Variants in RP9 observed in about 807,000 individuals in gnomAD.
RP9 encodes RP9 pre-mRNA splicing factor.
RP9 carries 23 observed loss-of-function variants against 32.6 expected under a neutral mutation model. The observed-to-expected ratio is 0.71, with a 90% CI of 0.51 to 1.00. The LOEUF is 1.00. Among genes scored for constraint, RP9 ranks in the 50% least tolerant of loss-of-function variants. RP9 has a pLI of 0.00. For missense variants in RP9, 245 were observed against 285.3 expected (o/e 0.86, Z 1.02); for synonymous variants, 94 against 103.6 (o/e 0.91, Z 0.56).
intron 2 of RP9, chr7:33,100,210 C>A (rs1369683614): frequency 4.9e-6 from 2 of 408,864 alleles, no homozygotes; most frequent in African/African-American, 4.1e-5. Flanking sequence ...GAGGATGGAC[C>A]GAGGGGCTGA....
Position 33,094,799 on chromosome 7 carries a change from TA to T in RP9, c.*434del, listed in dbSNP as rs943314750. On this transcript the variant is annotated 3_prime_UTR_variant, in exon 6 of 6. Transcript: ENST00000297157. ...TATTCATAAATAAATACATTCCATT[TA>T]AAAAATAAATAATGAGCTTTTATTA... 1.7e-5 allele frequency: 3 copies of T among 178,492 alleles called. No individual in the cohort carries two copies. The highest frequency in any genetic ancestry group is 7.1e-5 in the African/African-American group (3 of 42,148). 11.1% of individuals were successfully genotyped at this position (178,492 alleles called of 1,614,324 possible).
At chr7:33,096,395 G>A in intron 5 of RP9, 98 bp downstream of exon 5, 1 of 857,976 alleles carries the variant, frequency 1.2e-6, no homozygotes. Flanking sequence ...GAAGTACCAT[G>A]TTTACTGCAC....
rs1583997750 is a variant in RP9, at chr7:33,095,144, C to T, written c.*90G>A. ...TGACCCACATATACTCCTCTCTCGG[C>T]GTCTCTATCCTGCTGCTTTCTCTGA... On this transcript the variant is annotated 3_prime_UTR_variant, in exon 6 of 6. Coordinates refer to ENST00000297157, the MANE Select transcript of RP9 (RefSeq NM_203288.2). 25 of 1,511,748 alleles carry T rather than the reference C, an allele frequency of 1.7e-5. No individual in the cohort carries two copies. The highest frequency in any genetic ancestry group is 6.8e-5 in the East Asian group (3 of 44,204). The allele number at this position is 1,511,748 out of a possible 1,614,324, so 93.6% of individuals were successfully genotyped here. A position where few individuals can be genotyped will look rare whatever the true frequency, so the allele number is the denominator to read the frequency against.
intron 1 of RP9, among the ~76,000 whole-genome samples, chr7:33,106,043 T>C (rs1788493594): frequency 6.6e-6 from 1 of 152,138 alleles, no homozygotes; most frequent in South Asian, 2.1e-4. Context: ...GAAAATTAAG[T>C]AAGTGAAAAA....
chr7:33,101,841 A>T (rs775289274), intron 1 of RP9, among the ~76,000 whole-genome samples: 1 of 152,216 alleles, frequency 6.6e-6, no homozygotes, highest in Non-Finnish European at 1.5e-5. Context: ...AGCAAAAACA[A>T]TGGAAATCTG....
Position 33,109,362 on chromosome 7 carries a change from C to T in RP9, c.11G>A (p.Arg4Gln). The change falls in exon 1 of 6, where the codon CGG becomes CAG. Residue 4 changes from arginine to glutamine, a missense_variant. Arg to Gln is a conservative substitution (Grantham distance 43). Transcript: ENST00000297157. This position sits in a 1 kb window ranked among gnomAD's most constrained non-coding sequence, Gnocchi z 4.9. ...AGCCCCCACGTCCTCGCGCCCAGGC[C>T]GGGACGACATGTCAGCCCCCGCAGC... MSSRPGREDVGAAG... is the reference protein window; with the variant it reads MSSQPGREDVGAAG... The T allele has an allele frequency of 5.6e-6, 8 of 1,417,958 alleles. No individual in the cohort carries two copies. The highest frequency in any genetic ancestry group is 7.4e-6 in the Non-Finnish European group (8 of 1,087,174). 87.8% of individuals were successfully genotyped at this position (1,417,958 alleles called of 1,614,324 possible).
At chr7:33,106,280 C>G (rs1313925782) in intron 1 of RP9, among the ~76,000 whole-genome samples, 1 of 152,050 alleles carries the variant, frequency 6.6e-6, no homozygotes, top group Non-Finnish European at 1.5e-5. Context: ...CAGATCTTCC[C>G]ACTTCAGCCT....
At chr7:33,106,168 T>TTG (rs1788495514) in intron 1 of RP9, among the ~76,000 whole-genome samples, 2 of 152,228 alleles carry the variant, frequency 1.3e-5, no homozygotes, top group South Asian at 4.2e-4. Flanking sequence ...GCTGTTTTTT[T>TTG]TTTGTTTGTT....
chr7:33,100,659 T>C (rs1562620355), intron 1 of RP9, 98 bp from the exon 2 acceptor site: 1 of 964,472 alleles, frequency 1.0e-6, no homozygotes, highest in Non-Finnish European at 1.7e-6. Flanking sequence ...TAATCAGAGA[T>C]TTTAGCAACA....
In RP9 at chr7:33,109,368, G is replaced by T; in HGVS notation, c.5C>A (p.Ser2Ter). M[S>*]SRPGREDVGA... Reference sequence around the variant, plus strand: ...CACGTCCTCGCGCCCAGGCCGGGACGACATGTCAGCCCCCGCAGCGCCGCT... The same window carrying T: ...CACGTCCTCGCGCCCAGGCCGGGACTACATGTCAGCCCCCGCAGCGCCGCT... The change falls in exon 1 of 6, where the codon TCG becomes TAG. Residue 2 changes from serine (S) to a stop codon, truncating the protein, a stop_gained. Coordinates refer to ENST00000297157, the MANE Select transcript of RP9 (RefSeq NM_203288.2). LOFTEE classifies it high-confidence loss of function. This position sits in a 1 kb window ranked among gnomAD's most constrained non-coding sequence, Gnocchi z 4.9. The T allele has an allele frequency of 7.1e-7, 1 of 1,405,358 alleles. No individual in the cohort carries two copies. The highest frequency in any genetic ancestry group is 9.3e-7 in the Non-Finnish European group (1 of 1,079,854). 87.1% of individuals were successfully genotyped at this position (1,405,358 alleles called of 1,614,324 possible). A position where few individuals can be genotyped will look rare whatever the true frequency, so the allele number is the denominator to read the frequency against.
At position 33,109,280 on chromosome 7, in the gene RP9, C is replaced by G; in HGVS notation, c.93G>C (p.Glu31Asp). Residue 31 changes from glutamate to aspartate, a missense_variant, in exon 1 of 6, where the codon GAG becomes GAC. Physicochemically the swap from Glu to Asp is conservative, Grantham distance 45. Around this residue, in one of 2 missense-constraint regions of RP9, gnomAD observed 182 missense variants for 175.5 expected, o/e 1.04. Coordinates refer to ENST00000297157, the MANE Select transcript of RP9 (RefSeq NM_203288.2). This position sits in a 1 kb window ranked among gnomAD's most constrained non-coding sequence, Gnocchi z 4.9. ...PPEQELQRRR[E>D]QKRRRHDAQQ... ...GCGCGTCGTGTCGCCGCCGCTTCTG[C>G]TCCCGACGTCGCTGCAGCTCCTGCT... is the stretch of plus-strand genomic sequence containing the variant. 2 of 1,488,844 alleles carry G rather than the reference C, an allele frequency of 1.3e-6. No homozygotes were observed. Among genetic ancestry groups the G allele is most frequent in the Non-Finnish European group, 1.8e-6 (2 of 1,123,622 alleles). 92.2% of individuals were successfully genotyped at this position (1,488,844 alleles called of 1,614,324 possible).
At chr7:33,104,639 A>G (rs1353820608) in intron 1 of RP9, among the ~76,000 whole-genome samples, 1 of 152,188 alleles carries the variant, frequency 6.6e-6, no homozygotes, top group Non-Finnish European at 1.5e-5. Context: ...GCTAGAAGAT[A>G]GTGATGTACT....
intron 1 of RP9, among the ~76,000 whole-genome samples, chr7:33,101,763 G>C (rs1387703265): frequency 6.6e-6 from 1 of 152,200 alleles, no homozygotes; most frequent in Non-Finnish European, 1.5e-5. Context: ...GTGTGGTACA[G>C]TGTTTTCCCA....
At chr7:33,099,568 T>G (rs1166371865) in intron 2 of RP9, 132 bp from the exon 3 acceptor site, 5 of 933,292 alleles carry the variant, frequency 5.4e-6, no homozygotes, top group Non-Finnish European at 8.5e-6. Context: ...CCCTCAAAAC[T>G]AGAAAAAAAG....
Position 33,099,347 on chromosome 7 carries a change from T to A in RP9, c.273A>T (p.Gly91=), listed in dbSNP as rs2128032390. Residue 91 remains glycine (G), a synonymous_variant, in exon 3 of 6, where the codon GGA becomes GGT. Coordinates refer to ENST00000297157, the MANE Select transcript of RP9 (RefSeq NM_203288.2). ...REFLAHAPTK[G]LWMPLGKEVK... is the part of the protein sequence containing the mutation. The stretch of plus-strand genomic sequence containing the variant: ...CTTCTTTCCCCAGTGGCATCCAAAG[T>A]CCTTTAGTTGGTGCATGAGCCAGAA... 6.2e-7 allele frequency: 1 copy of A among 1,613,686 alleles called. No individual in the cohort carries two copies. The highest frequency in any genetic ancestry group is 1.7e-4 in the Middle Eastern group (1 of 6,014).
intron 5 of RP9, among the ~76,000 whole-genome samples, chr7:33,095,981 T>C (rs1788327315): frequency 6.6e-6 from 1 of 152,106 alleles, no homozygotes; most frequent in South Asian, 2.1e-4. Flanking sequence ...TACAGGTGCG[T>C]GCTGCCATAC....
chr7:33,109,037 G>A lies in RP9; in HGVS notation c.152+184C>T, dbSNP rs1788542394. Among the ~76,000 whole-genome samples the A allele has an allele frequency of 1.3e-5, 2 of 152,064 alleles. No homozygotes were observed. Among genetic ancestry groups the A allele is most frequent in the Non-Finnish European group, 2.9e-5 (2 of 68,004 alleles). On this transcript the variant is annotated intron_variant, in intron 1 of 5. Coordinates refer to ENST00000297157, the MANE Select transcript of RP9 (RefSeq NM_203288.2). The surrounding 1 kb of genome is among the most constrained non-coding windows in gnomAD (Gnocchi z 4.9). ...CCCTGAACGCCCCGCCAGGAGGATG[G>A]ACTTCAAGTCCTTGACCGCGGCGCC... is the stretch of plus-strand genomic sequence containing the variant.
intron 1 of RP9, among the ~76,000 whole-genome samples, chr7:33,107,931 A>G (rs1334114524): frequency 6.6e-6 from 1 of 152,218 alleles, no homozygotes; most frequent in Non-Finnish European, 1.5e-5. Context: ...GAGGTAGAGA[A>G]ATAGCTGGAT....
At position 33,095,435 on chromosome 7, in the gene RP9, A is replaced by T; in HGVS notation, c.468-3T>A. 1 of 1,613,696 alleles carries T rather than the reference A, an allele frequency of 6.2e-7. No homozygotes were observed. Among genetic ancestry groups the T allele is most frequent in the Non-Finnish European group, 8.5e-7 (1 of 1,179,842 alleles). On this transcript the variant is annotated splice_polypyrimidine_tract_variant and splice_region_variant and intron_variant, in intron 5 of 5. Coordinates refer to ENST00000297157, the MANE Select transcript of RP9 (RefSeq NM_203288.2). ...GTAACTGTTTTAACTGCTGTATCCT[A>T]AACATTCAAAATTGATCAAAGAACA...
Sources: allele counts gnomAD v4.1 joint callset (sites outside exome capture counted in the v4.1 genomes callset), GRCh38; gene constraint gnomAD v4.1.1; regional missense constraint gnomAD v4.1.1; non-coding constraint Gnocchi (gnomAD v3.1); transcripts MANE v1.5; gene names NCBI Gene and HGNC (gene_info 2026-07-23, HGNC 2026-07-21).